The following TRPM1 variants were observed in gnomAD, a reference collection of about 807,000 sequenced individuals.
TRPM1 encodes TRPM1-203 APA Isoform, Intron 10.
TRPM1 carries 113 observed loss-of-function variants against 149.4 expected under a neutral mutation model. The observed-to-expected ratio is 0.76, with a 90% confidence interval of 0.65 to 0.88. The LOEUF (loss-of-function observed/expected upper bound fraction) is 0.88. Ranked by LOEUF, TRPM1 falls within the 40% of genes least tolerant of loss-of-function variation. The pLI is 0.00. For synonymous variants in TRPM1, 741 were observed against 759.5 expected (o/e 0.98, Z 0.40); for missense variants, 1,976 against 2,038.7 (o/e 0.97, Z 0.59).
chr15:31,110,905 C>A (rs1203213761), intron 1 of TRPM1, among the ~76,000 whole-genome samples: 1 of 150,604 alleles, frequency 6.6e-6, no homozygotes, highest in Non-Finnish European at 1.5e-5. Flanking sequence ...CTCTCTCTCC[C>A]CCCCCTTCCC....
chr15:31,103,546 C>T (rs1433590223), upstream of TRPM1, among the ~76,000 whole-genome samples: 3 of 152,208 alleles, frequency 2.0e-5, no homozygotes, highest in African/African-American at 7.2e-5. Context: ...ATTGGCCCAG[C>T]TCACGCCTGC....
intron 1 of TRPM1, among the ~76,000 whole-genome samples, chr15:31,115,554 A>G (rs1024215221): frequency 6.6e-6 from 1 of 152,106 alleles, no homozygotes; most frequent in African/African-American, 2.4e-5. Flanking sequence ...CTGACTGTGG[A>G]CTAGCTTAGA....
chr15:31,088,731 G>C (rs940700849), intron 1 of TRPM1, among the ~76,000 whole-genome samples: 3 of 151,032 alleles, frequency 2.0e-5, no homozygotes, highest in African/African-American at 4.9e-5. Context: ...CTGAAGCGGC[G>C]GTATTCGTCT....
chr15:31,007,647 GCGCAGCAACAACAA>G (rs879749005), intron 27 of TRPM1, among the ~76,000 whole-genome samples: 8,240 of 64,432 alleles, frequency 0.13, 273 homozygotes, highest in South Asian at 0.24. Context: ...AACAACAGCA[GCGCAGCAACAACAA>G]CAACAACAAC....
intron 27 of TRPM1, among the ~76,000 whole-genome samples, chr15:31,022,359 G>A (rs1208254999): frequency 6.6e-6 from 1 of 152,274 alleles, no homozygotes; most frequent in African/African-American, 2.4e-5. Flanking sequence ...GACCAGACAT[G>A]GTGGCCCATG....
intron 11 of TRPM1, among the ~76,000 whole-genome samples, chr15:31,050,871 T>C (rs1433697217): frequency 6.6e-6 from 1 of 152,182 alleles, no homozygotes; most frequent in East Asian, 1.9e-4. Context: ...CACACTTGAC[T>C]TGATGCAGCG....
At position 31,060,183 on chromosome 15, in the gene TRPM1, G is replaced by C. The variant is rs1167377732; in HGVS notation, c.1263+361C>G. 8.0e-6 allele frequency: 3 copies of C among 373,192 alleles called. No individual in the cohort carries two copies. In the East Asian group the frequency reaches 2.0e-4, roughly 25 times the overall value. The allele number at this position is 373,192 out of a possible 1,614,324, so 23.1% of individuals were successfully genotyped here. On this transcript the variant is annotated intron_variant, in intron 11 of 27. Coordinates refer to ENST00000256552, the MANE Select transcript of TRPM1 (RefSeq NM_001252024.2). ...CACACAGAGTTCTCTAGGCCTCCAGGGTTTCATGGAACATAGTTTGAAAAA... is the reference window on the plus strand; with the variant it reads ...CACACAGAGTTCTCTAGGCCTCCAGCGTTTCATGGAACATAGTTTGAAAAA...
In TRPM1 at chr15:31,042,033, T is replaced by A. The variant is rs1179026222; in HGVS notation, c.2005A>T (p.Lys669Ter). Residue 669 changes from lysine (K) to a stop codon, truncating the protein, a stop_gained, in exon 17 of 28, where the codon AAG (lysine) becomes TAG (stop). Coordinates refer to ENST00000256552, the MANE Select transcript of TRPM1 (RefSeq NM_001252024.2). LOFTEE classifies it high-confidence loss of function. Reference sequence around the variant, plus strand: ...TCGTGGGCCATGGCCTTGTAGAGCTTGCAGGCCACCAGGGCCTTGGCCATG... The same window carrying A: ...TCGTGGGCCATGGCCTTGTAGAGCTAGCAGGCCACCAGGGCCTTGGCCATG... ...ESMAKALVAC[K>*]LYKAMAHESS... 1 of 1,614,226 alleles carries A rather than the reference T, an allele frequency of 6.2e-7. No individual in the cohort carries two copies. The highest frequency in any genetic ancestry group is 2.2e-5 in the East Asian group (1 of 44,882).
chr15:31,137,120 A>G (rs1176244465), intron 1 of TRPM1, among the ~76,000 whole-genome samples: 1 of 152,180 alleles, frequency 6.6e-6, no homozygotes, highest in Non-Finnish European at 1.5e-5. Context: ...GGCAGGGCAC[A>G]CCACCTTTCG....
In TRPM1 at chr15:31,001,748, A is replaced by C; in HGVS notation, c.*74T>G. On this transcript the variant is annotated 3_prime_UTR_variant, in exon 28 of 28. Transcript: ENST00000256552. ...AGGAAAATGTTTTTAGAAATTGATG[A>C]TGTTTAGATGGCCAAGATGACACCC... is the stretch of plus-strand genomic sequence containing the variant. The C allele has an allele frequency of 6.7e-7, 1 of 1,490,152 alleles. No homozygotes were observed. Among genetic ancestry groups the C allele is most frequent in the Non-Finnish European group, 9.0e-7 (1 of 1,108,364 alleles). 92.3% of individuals were successfully genotyped at this position (1,490,152 alleles called of 1,614,324 possible). A position where few individuals can be genotyped will look rare whatever the true frequency, so the allele number is the denominator to read the frequency against.
chr15:31,026,989 A>T lies in TRPM1; in HGVS notation c.3422T>A (p.Ile1141Asn), dbSNP rs1448199271. The T allele has an allele frequency of 2.5e-6, 4 of 1,614,022 alleles. No homozygotes were observed. Among genetic ancestry groups the T allele is most frequent in the Non-Finnish European group, 3.4e-6 (4 of 1,180,038 alleles). ...GCGGCCGCTGAGACGCATAATGATG[A>T]TGTAGATGTGGCTTAAAATGATCAT... is the stretch of plus-strand genomic sequence containing the variant. The part of the protein sequence containing the change: ...PPMIILSHIY[I>N]IIMRLSGRCR... The change falls in exon 26 of 28, where the codon ATC (isoleucine) becomes AAC (asparagine). Residue 1141 changes from isoleucine (I) to asparagine (N), a missense_variant. Ile to Asn is a moderately radical substitution (Grantham distance 149, BLOSUM62 -3). This residue lies in a region of TRPM1 where 72 missense variants were observed against 112.7 expected (regional missense o/e 0.64). Coordinates refer to ENST00000256552, the MANE Select transcript of TRPM1 (RefSeq NM_001252024.2).
At chr15:31,037,089 G>T (rs1009290369) in intron 20 of TRPM1, among the ~76,000 whole-genome samples, 2 of 152,232 alleles carry the variant, frequency 1.3e-5, no homozygotes, top group Non-Finnish European at 2.9e-5. Flanking sequence ...GGGACCGCCT[G>T]CAGCTCGGCC....
intron 1 of TRPM1, among the ~76,000 whole-genome samples, chr15:31,119,669 A>G (rs971216360): frequency 1.3e-5 from 2 of 152,090 alleles, no homozygotes; most frequent in Admixed American, 1.3e-4. Context: ...ACAACAATGT[A>G]TTTGGCGATT....
chr15:31,013,394 T>C (rs777026906), intron 27 of TRPM1, among the ~76,000 whole-genome samples: 15 of 152,094 alleles, frequency 9.9e-5, no homozygotes, highest in Non-Finnish European at 1.3e-4. Context: ...ACCTCTTTAT[T>C]GATAGTCCCT....
At chr15:31,125,164 C>T (rs900059049) in intron 1 of TRPM1, among the ~76,000 whole-genome samples, 10 of 150,308 alleles carry the variant, frequency 6.7e-5, no homozygotes, top group Middle Eastern at 3.2e-3. Context: ...GGTGACAGAG[C>T]GAGACTGTGT....
At chr15:31,015,368 T>C (rs538202238) in intron 27 of TRPM1, among the ~76,000 whole-genome samples, 124 of 150,522 alleles carry the variant, frequency 8.2e-4, no homozygotes, top group Non-Finnish European at 1.6e-3. Flanking sequence ...GCCGAGATCA[T>C]GCCATTGCCC....
At chr15:31,117,250 C>T (rs2035811871) in intron 1 of TRPM1, among the ~76,000 whole-genome samples, 5 of 152,092 alleles carry the variant, frequency 3.3e-5, no homozygotes, top group Admixed American at 3.3e-4. Flanking sequence ...CTTTGGGAGG[C>T]CAAGGTGGGT....
chr15:31,118,544 C>T (rs1300913752), intron 1 of TRPM1, among the ~76,000 whole-genome samples: 1 of 151,966 alleles, frequency 6.6e-6, no homozygotes, highest in Non-Finnish European at 1.5e-5. Context: ...TCAGTTTGGG[C>T]TGCTATAAGA....
At chr15:31,112,669 A>T (rs1255583244) in intron 1 of TRPM1, among the ~76,000 whole-genome samples, 2 of 152,092 alleles carry the variant, frequency 1.3e-5, no homozygotes, top group Non-Finnish European at 2.9e-5. Flanking sequence ...TAGCTCTTAG[A>T]GTACTGCGTC....
Sources: allele counts gnomAD v4.1 joint callset (sites outside exome capture counted in the v4.1 genomes callset), GRCh38; gene constraint gnomAD v4.1.1; regional missense constraint gnomAD v4.1.1; transcripts MANE v1.5; gene names NCBI Gene and HGNC (gene_info 2026-07-23, HGNC 2026-07-21).